Variants in SUMF1 observed in about 807,000 individuals in gnomAD.
SUMF1 encodes the protein sulfatase modifying factor 1.
In SUMF1, 48 loss-of-function variants were observed where a neutral mutation model predicts 47.6. That is an observed-to-expected ratio of 1.01 (90% confidence interval 0.80 to 1.28). The LOEUF (loss-of-function observed/expected upper bound fraction) is 1.28. SUMF1 is among the 50% of genes most tolerant of loss of function. The pLI is 0.00. For missense variants in SUMF1, 571 were observed against 485.4 expected, an observed-to-expected ratio of 1.18 and a Z score of -1.66; for synonymous variants, 230 against 192.1, an observed-to-expected ratio of 1.20 and a Z score of -1.63.
At chr3:4,054,881 A>G (rs1429510311) in intron 9 of SUMF1, among the ~76,000 whole-genome samples, 1 of 152,184 alleles carries the variant, frequency 6.6e-6, no homozygotes, top group African/African-American at 2.4e-5. Flanking sequence ...TAGGTGTTCT[A>G]AGTATCCCCA....
chr3:4,366,991 C>G (rs1176105282), intron 8 of SUMF1, among the ~76,000 whole-genome samples: 1 of 152,174 alleles, frequency 6.6e-6, no homozygotes, highest in African/African-American at 2.4e-5. Flanking sequence ...ACTCCAGACC[C>G]TGTTTGCCTG....
At chr3:4,328,613 G>C (rs563788728) in intron 8 of SUMF1, among the ~76,000 whole-genome samples, 14 of 152,216 alleles carry the variant, frequency 9.2e-5, no homozygotes, top group African/African-American at 3.4e-4. Context: ...TCTCCACTTG[G>C]TCCCGCCCTT....
Position 4,299,477 on chromosome 3 carries a change from A to C in SUMF1, c.1014+76853T>G, listed in dbSNP as rs140499180. ...CTGTGGTAGATGTTTCAAGTACCAT[A>C]TTATGGGTATTAATGAATTTATACA... On this transcript the variant is annotated intron_variant and NMD_transcript_variant, in intron 8 of 12. Coordinates refer to the SUMF1 transcript ENST00000448413. Among the ~76,000 whole-genome samples the C allele has an allele frequency of 6.6e-3, 1,000 of 152,346 alleles. 11 individuals carry two copies. Among genetic ancestry groups the C allele is most frequent in the Non-Finnish European group, 7.5e-3 (507 of 68,034 alleles).
intron 8 of SUMF1, among the ~76,000 whole-genome samples, chr3:4,355,095 A>C (rs1371794154): frequency 6.6e-6 from 1 of 152,190 alleles, no homozygotes; most frequent in African/African-American, 2.4e-5. Context: ...CACGCCTGTA[A>C]TCCCAGCATT....
At chr3:4,313,786 C>T in intron 8 of SUMF1, 1 of 1,613,462 alleles carries the variant, frequency 6.2e-7, no homozygotes, top group Non-Finnish European at 8.5e-7. Flanking sequence ...TGATAAGCAG[C>T]TTGCCCCTCC....
intron 2 of SUMF1, among the ~76,000 whole-genome samples, 176 bp from the exon 3 acceptor site, chr3:4,449,516 T>G (rs1379621954): frequency 6.6e-6 from 1 of 152,232 alleles, no homozygotes; most frequent in Non-Finnish European, 1.5e-5. Context: ...TCCTCTTAAA[T>G]TAATGTCACT....
At chr3:4,375,134 CAAAAAA>C (rs376228362) in intron 8 of SUMF1, among the ~76,000 whole-genome samples, 4,327 of 73,326 alleles carry the variant, frequency 0.059, 132 homozygotes, top group South Asian at 0.33. Context: ...GACTCTGTCT[CAAAAAA>C]AAAAAAAAAA....
At chr3:4,381,342 G>T (rs142259227) in intron 7 of SUMF1, among the ~76,000 whole-genome samples, 2 of 152,184 alleles carry the variant, frequency 1.3e-5, no homozygotes, top group African/African-American at 2.4e-5. Flanking sequence ...CGGGGAAAGG[G>T]TGGGAAGGGG....
chr3:4,176,325 C>T (rs1321337370), intron 8 of SUMF1, among the ~76,000 whole-genome samples: 2 of 152,184 alleles, frequency 1.3e-5, no homozygotes, highest in African/African-American at 2.4e-5. Flanking sequence ...GCCCATCAGA[C>T]TAACAGCAGA....
At chr3:4,134,967 G>T (rs1164883389) in intron 8 of SUMF1, among the ~76,000 whole-genome samples, 1 of 152,144 alleles carries the variant, frequency 6.6e-6, no homozygotes, top group Non-Finnish European at 1.5e-5. Context: ...CTCTGAAATT[G>T]TGGCAATAAT....
chr3:4,092,924 T>C (rs965489417), intron 8 of SUMF1, among the ~76,000 whole-genome samples: 1 of 151,950 alleles, frequency 6.6e-6, no homozygotes, highest in Non-Finnish European at 1.5e-5. Context: ...CCTTACAATA[T>C]AGAAAGCTTT....
At position 4,183,861 on chromosome 3, in the gene SUMF1, A is replaced by G. The variant is rs1282126733; in HGVS notation, c.1015-115116T>C. Among the ~76,000 whole-genome samples, 4 of 152,310 alleles carry G rather than the reference A, an allele frequency of 2.6e-5. No homozygotes were observed. In the South Asian group the frequency reaches 8.3e-4, roughly 32 times the overall value. On this transcript the variant is annotated intron_variant and NMD_transcript_variant, in intron 8 of 12. Coordinates refer to the SUMF1 transcript ENST00000448413. ...GCTACTTTATAAGTAGTGTTAAACC[A>G]TCAAAAGAGGCATTAAAGAAAAATG...
intron 8 of SUMF1, among the ~76,000 whole-genome samples, chr3:4,101,969 G>A (rs934321062): frequency 2.6e-5 from 4 of 152,098 alleles, no homozygotes; most frequent in Admixed American, 1.3e-4. Flanking sequence ...GCAGAAGAGC[G>A]AATGAATGAG....
intron 3 of SUMF1, among the ~76,000 whole-genome samples, chr3:4,426,432 G>A (rs1353845165): frequency 1.3e-5 from 2 of 152,154 alleles, no homozygotes; most frequent in African/African-American, 2.4e-5. Flanking sequence ...CAAATTTAGG[G>A]CAAATCCCAT....
intron 8 of SUMF1, among the ~76,000 whole-genome samples, chr3:4,238,963 G>A (rs1398953121): frequency 6.6e-6 from 1 of 152,134 alleles, no homozygotes; most frequent in East Asian, 1.9e-4. Context: ...AAGGTGTAAG[G>A]AAGGGATCCA....
intron 8 of SUMF1, among the ~76,000 whole-genome samples, chr3:4,294,483 T>C (rs1305782276): frequency 6.6e-6 from 1 of 152,096 alleles, no homozygotes; most frequent in African/African-American, 2.4e-5. Flanking sequence ...AGGATTTCTT[T>C]AGGCTGAGAG....
At chr3:4,280,504 A>G (rs970988359) in intron 8 of SUMF1, among the ~76,000 whole-genome samples, 2 of 151,976 alleles carry the variant, frequency 1.3e-5, no homozygotes, top group African/African-American at 4.8e-5. Flanking sequence ...GAAAAAAAAA[A>G]CACAGAGGCA....
chr3:4,409,536 C>T (rs1262984974), intron 7 of SUMF1, among the ~76,000 whole-genome samples: 1 of 152,190 alleles, frequency 6.6e-6, no homozygotes, highest in Non-Finnish European at 1.5e-5. Context: ...AGGCCTTGTG[C>T]ACCCCCTTCC....
chr3:4,415,074 A>G (rs1269278583), intron 6 of SUMF1: 1 of 152,162 alleles, frequency 6.6e-6, no homozygotes, highest in East Asian at 1.9e-4. Context: ...TAAAAATACA[A>G]AAGTTAGTCA....
Sources: gnomAD v4.1 joint callset for allele counts (sites outside exome capture counted in the v4.1 genomes callset) on GRCh38, gnomAD v4.1.1 for gene constraint, MANE v1.5 for transcripts, NCBI Gene and HGNC (gene_info 2026-07-23, HGNC 2026-07-21) for gene names.